Variants in CCDC136 observed in about 807,000 individuals in gnomAD.
The protein encoded by CCDC136 is coiled-coil domain-containing protein 136.
Under a neutral mutation model 141.2 loss-of-function variants are expected in CCDC136, and 100 were observed. The ratio of observed to expected loss-of-function variants is 0.71; its 90% CI spans 0.60 to 0.84. The LOEUF is 0.84. Among genes scored for constraint, CCDC136 ranks in the 40% least tolerant of loss-of-function variants. The pLI is 0.00. For missense variants in CCDC136, 1,206 were observed against 1,379.4 expected, an observed-to-expected ratio of 0.87 and a Z score of 1.99; for synonymous variants, 474 against 531.9, an observed-to-expected ratio of 0.89 and a Z score of 1.50.
rs765914382 is a variant in CCDC136 at position 128,815,821 on chromosome 7, A to G, written c.3253A>G (p.Lys1085Glu). 4.3e-6 allele frequency: 7 copies of G among 1,610,210 alleles called. No homozygotes were observed. In the East Asian group the frequency reaches 1.3e-4, roughly 31 times the overall value. The change falls in exon 16 of 18, where the codon AAA becomes GAA. Residue 1085 changes from lysine to glutamate, a missense_variant. Physicochemically the swap from Lys to Glu is moderately conservative, Grantham distance 56 (BLOSUM62 1). Transcript: ENST00000297788. ...AGATCAGGAGGAAAATGAAGAGGACAAAGAGGAAGAGGAGAAGGAAGAAGA... is the reference window on the plus strand; with the variant it reads ...AGATCAGGAGGAAAATGAAGAGGACGAAGAGGAAGAGGAGAAGGAAGAAGA... The part of the protein sequence containing the change: ...TEDQEENEED[K>E]EEEEKEEDSE...
At chr7:128,796,742 C>T (rs58662160) in intron 3 of CCDC136, among the ~76,000 whole-genome samples, 6,048 of 107,734 alleles carry the variant, frequency 0.056, 780 homozygotes, top group African/African-American at 0.17. Flanking sequence ...TATATATATT[C>T]TTTTTTTTTT....
chr7:128,799,256 A>G (rs1437544582), intron 3 of CCDC136, among the ~76,000 whole-genome samples: 1 of 147,406 alleles, frequency 6.8e-6, no homozygotes, highest in East Asian at 2.0e-4. Flanking sequence ...AGGAGGGAGG[A>G]TTGCTTGAGC....
intron 14 of CCDC136, among the ~76,000 whole-genome samples, chr7:128,813,574 G>C (rs1806105735): frequency 1.3e-5 from 2 of 152,216 alleles, no homozygotes; most frequent in African/African-American, 2.4e-5. Flanking sequence ...ACTTGCCTCT[G>C]TTTCCAGGGT....
chr7:128,811,150 A>G, intron 12 of CCDC136: 2 of 360,300 alleles, frequency 5.6e-6, no homozygotes, highest in Non-Finnish European at 1.1e-5. Flanking sequence ...AGGGAGTAGC[A>G]GAAGTCAACA....
Position 128,812,835 on chromosome 7 carries a change from A to T in CCDC136, c.2669A>T (p.Asp890Val). Reference protein sequence around the residue: ...QMEKLLAKQKDLKEELDACER... With the variant: ...QMEKLLAKQKVLKEELDACER... ...GAAAAGTTACTGGCCAAGCAGAAAG[A>T]CCTGAAGGAAGAGCTGGATGCCTGT... Residue 890 changes from aspartate (D) to valine (V), a missense_variant, in exon 14 of 18, where the codon GAC (aspartate) becomes GTC (valine). By Grantham distance (152) the Asp-to-Val change is radical. Coordinates refer to ENST00000297788, the MANE Select transcript of CCDC136 (RefSeq NM_022742.5). The T allele has an allele frequency of 6.2e-7, 1 of 1,613,364 alleles. No homozygotes were observed. The highest frequency in any genetic ancestry group is 8.5e-7 in the Non-Finnish European group (1 of 1,179,770).
Position 128,817,763 on chromosome 7 carries a change from C to T in CCDC136, c.3369C>T (p.Ser1123=), listed in dbSNP as rs769308292. 2.5e-6 allele frequency: 4 copies of T among 1,612,860 alleles called. No homozygotes were observed. In the South Asian group the frequency reaches 4.4e-5, roughly 18 times the overall value. Residue 1123 remains serine (S), a synonymous_variant, in exon 17 of 18, where the codon TCC becomes TCT. Coordinates refer to ENST00000297788, the MANE Select transcript of CCDC136 (RefSeq NM_022742.5). The surrounding 1 kb of genome is among the most constrained non-coding windows in gnomAD (Gnocchi z 4.6). ...PLRLSESKKS[S]PTPNPPIFSL... is the part of the protein sequence containing the mutation. ...CTCATTTTGGTGTGTTGCAGTCATC[C>T]CCTACCCCCAATCCCCCCATCTTCT...
chr7:128,800,421 G>A (rs1009199060), intron 3 of CCDC136, among the ~76,000 whole-genome samples: 3 of 151,732 alleles, frequency 2.0e-5, no homozygotes, highest in Admixed American at 6.6e-5. Context: ...CTCCCAAGTA[G>A]CTGGGATTAC....
At chr7:128,818,110 A>G (rs1161330579) in intron 17 of CCDC136, 11 of 443,170 alleles carry the variant, frequency 2.5e-5, no homozygotes, top group East Asian at 4.5e-5. Context: ...GTTTGTTTCA[A>G]TCCTTGGCTG....
In CCDC136 at chr7:128,821,039, C is replaced by T. The variant is rs1036841767; in HGVS notation, c.*6-760C>T. Among the ~76,000 whole-genome samples, 6 of 152,184 alleles carry T rather than the reference C, an allele frequency of 3.9e-5. No homozygotes were observed. Among genetic ancestry groups the T allele is most frequent in the African/African-American group, 7.2e-5 (3 of 41,454 alleles). On this transcript the variant is annotated intron_variant, in intron 17 of 17. Transcript: ENST00000297788. The surrounding 1 kb of genome is among the most constrained non-coding windows in gnomAD (Gnocchi z 5.1). ...AAAGTAATAAAAATAAAACCTATTT[C>T]CCCAAGTATGTATTTTCTTGTCTAA...
rs1457429500 is a variant in CCDC136, at chr7:128,802,206, C to T, written c.670+697C>T. Reference sequence around the variant, plus strand: ...CATGAGGTACCCAAAAGCCTAGAGCCCTGCTTTCAGACAGTGAGTCTCCCA... The same window carrying T: ...CATGAGGTACCCAAAAGCCTAGAGCTCTGCTTTCAGACAGTGAGTCTCCCA... On this transcript the variant is annotated intron_variant, in intron 4 of 17. Transcript: ENST00000297788. 2.0e-5 allele frequency among the ~76,000 whole-genome samples: 3 copies of T among 152,094 alleles called. No homozygotes were observed. In the South Asian group the frequency reaches 6.2e-4, roughly 32 times the overall value.
At chr7:128,807,086 C>T (rs1489043271) in intron 9 of CCDC136, among the ~76,000 whole-genome samples, 1 of 151,882 alleles carries the variant, frequency 6.6e-6, no homozygotes. Context: ...GCCTCCCCAC[C>T]TCCCAAAAAA....
At position 128,809,457 on chromosome 7, in the gene CCDC136, C is replaced by T; in HGVS notation, c.1613C>T (p.Thr538Ile). 7 of 1,533,108 alleles carry T rather than the reference C, an allele frequency of 4.6e-6. No homozygotes were observed. Among genetic ancestry groups the T allele is most frequent in the Non-Finnish European group, 6.2e-6 (7 of 1,134,364 alleles). 95.0% of individuals were successfully genotyped at this position (1,533,108 alleles called of 1,614,324 possible). ...DKGKCANKCD[T>I]LLSRLTELQE... Reference sequence around the variant, plus strand: ...ACCCGCCCCCACCCACAGTGTGACACACTGCTGTCCAGACTGACAGAATTG... The same window carrying T: ...ACCCGCCCCCACCCACAGTGTGACATACTGCTGTCCAGACTGACAGAATTG... Residue 538 changes from threonine (T) to isoleucine (I), a missense_variant, in exon 11 of 18, where the codon ACA becomes ATA. Thr to Ile is a moderately conservative substitution (Grantham distance 89). Transcript: ENST00000297788.
At position 128,821,719 on chromosome 7, in the gene CCDC136, G is replaced by T; in HGVS notation, c.*6-80G>T. On this transcript the variant is annotated intron_variant, in intron 17 of 17. Transcript: ENST00000297788. This position sits in a 1 kb window ranked among gnomAD's most constrained non-coding sequence, Gnocchi z 5.1. Reference sequence around the variant, plus strand: ...CCACAATGTTCCTGAGGTGTCTTGGGCACCCATAGGCAGGTGACTTCTGGC... The same window carrying T: ...CCACAATGTTCCTGAGGTGTCTTGGTCACCCATAGGCAGGTGACTTCTGGC... The T allele has an allele frequency of 4.4e-6, 5 of 1,144,674 alleles. No homozygotes were observed. The highest frequency in any genetic ancestry group is 5.8e-6 in the Non-Finnish European group (5 of 859,424). 70.9% of individuals were successfully genotyped at this position (1,144,674 alleles called of 1,614,324 possible).
chr7:128,793,776 A>AT (rs1204980715), intron 1 of CCDC136, among the ~76,000 whole-genome samples: 2 of 151,928 alleles, frequency 1.3e-5, no homozygotes, highest in Non-Finnish European at 2.9e-5. Flanking sequence ...CGCCCAGCTA[A>AT]TTTTTTTGTA....
intron 3 of CCDC136, among the ~76,000 whole-genome samples, chr7:128,800,706 A>T (rs1803891891): frequency 1.3e-5 from 2 of 152,214 alleles, no homozygotes; most frequent in Non-Finnish European, 2.9e-5. Flanking sequence ...CTAAATGCAC[A>T]TTGTTTTAGG....
At chr7:128,812,334 G>A (rs750569724) in intron 13 of CCDC136, 22 bp downstream of exon 13, 2 of 1,602,806 alleles carry the variant, frequency 1.2e-6, no homozygotes, top group African/African-American at 1.3e-5. Context: ...CAGGTGACAG[G>A]TCAGGCAGGG....
In CCDC136 at chr7:128,805,909, C is replaced by G; in HGVS notation, c.1089+8C>G. On this transcript the variant is annotated splice_region_variant and intron_variant, in intron 7 of 17. Transcript: ENST00000297788. This position sits in a 1 kb window ranked among gnomAD's most constrained non-coding sequence, Gnocchi z 4.6. ...TCCCACAGTGTCACCCAGGTAAACA[C>G]TGCCCGGGGAGGCATCTGGGGTGGG... 5.0e-6 allele frequency: 8 copies of G among 1,613,728 alleles called. No individual in the cohort carries two copies. Among genetic ancestry groups the G allele is most frequent in the Non-Finnish European group, 6.8e-6 (8 of 1,179,850 alleles).
chr7:128,791,397 T>TCCGC (rs1347581611), upstream of CCDC136: 6 of 877,352 alleles, frequency 6.8e-6, no homozygotes, highest in African/African-American at 3.5e-5. The surrounding 1 kb of genome is among the most constrained non-coding windows in gnomAD (Gnocchi z 7.1). Flanking sequence ...CGCCCCCTCG[T>TCCGC]CCGCCCTCCC....
chr7:128,791,656 C>A (rs562955104), upstream of CCDC136: 22 of 741,798 alleles, frequency 3.0e-5, no homozygotes, highest in South Asian at 5.7e-4. The surrounding 1 kb of genome is among the most constrained non-coding windows in gnomAD (Gnocchi z 7.1). Context: ...GCTCCCCTTT[C>A]TCCGCCCAAA....
Sources: allele counts gnomAD v4.1 joint callset (sites outside exome capture counted in the v4.1 genomes callset), GRCh38; gene constraint gnomAD v4.1.1; non-coding constraint Gnocchi (gnomAD v3.1); transcripts MANE v1.5; gene names NCBI Gene and HGNC (gene_info 2026-07-23, HGNC 2026-07-21).